The following AGBL1 variants were observed in gnomAD, a reference collection of about 807,000 sequenced individuals.
AGBL1 encodes AGBL carboxypeptidase 1.
AGBL1 carries 130 observed loss-of-function variants against 118.9 expected under a neutral mutation model. The ratio of observed to expected loss-of-function variants is 1.09; its 90% CI spans 0.95 to 1.26. The LOEUF (loss-of-function observed/expected upper bound fraction) is 1.26, where lower values mean the gene tolerates loss of function less well. Ranked by LOEUF, AGBL1 falls within the 50% of genes most tolerant of loss-of-function variation. The pLI is 0.00. For synonymous variants in AGBL1, 555 were observed against 478.9 expected, an observed-to-expected ratio of 1.16 and a Z score of -2.08; for missense variants, 1,584 against 1,298.1, an observed-to-expected ratio of 1.22 and a Z score of -3.38.
At chr15:86,485,144 G>T (rs906107541) in intron 18 of AGBL1, among the ~76,000 whole-genome samples, 1 of 152,064 alleles carries the variant, frequency 6.6e-6, no homozygotes, top group Non-Finnish European at 1.5e-5. Context: ...CTAAGCCGTC[G>T]CTACTTCAAG....
At chr15:87,018,961 G>A (rs2081634707) in intron 24 of AGBL1, among the ~76,000 whole-genome samples, 1 of 151,806 alleles carries the variant, frequency 6.6e-6, no homozygotes, top group South Asian at 2.1e-4. Flanking sequence ...AGAAAAGCAG[G>A]GATTGCAATC....
intron 21 of AGBL1, among the ~76,000 whole-genome samples, chr15:86,669,053 C>A (rs1034411741): frequency 6.6e-6 from 1 of 152,034 alleles, no homozygotes. Flanking sequence ...AAAGTTCCAA[C>A]TGAAGAAAAG....
intron 24 of AGBL1, among the ~76,000 whole-genome samples, chr15:87,018,902 A>G (rs749120491): frequency 1.6e-4 from 24 of 152,166 alleles, no homozygotes; most frequent in Non-Finnish European, 3.5e-4. Flanking sequence ...AAAGAAACAC[A>G]TAGTCTCAAA....
chr15:86,625,433 AAAG>A (rs2142421775), intron 21 of AGBL1, among the ~76,000 whole-genome samples: 1 of 140,794 alleles, frequency 7.1e-6, no homozygotes, highest in South Asian at 2.3e-4. Context: ...TGTGAGACTA[AAAG>A]AAGGTAATCA....
At chr15:86,791,658 G>A (rs2078494619) in intron 22 of AGBL1, among the ~76,000 whole-genome samples, 1 of 151,572 alleles carries the variant, frequency 6.6e-6, no homozygotes, top group Non-Finnish European at 1.5e-5. Flanking sequence ...CCAAACAGCA[G>A]TCATTGAATC....
chr15:87,017,602 AC>A (rs1257020091), intron 24 of AGBL1, among the ~76,000 whole-genome samples: 1 of 152,102 alleles, frequency 6.6e-6, no homozygotes, highest in Non-Finnish European at 1.5e-5. Context: ...AACAACAAAA[AC>A]AACATCAGCA....
intron 21 of AGBL1, among the ~76,000 whole-genome samples, chr15:86,650,860 G>A (rs1384302667): frequency 1.3e-5 from 2 of 152,122 alleles, no homozygotes; most frequent in African/African-American, 2.4e-5. Flanking sequence ...TCTTGCCCAC[G>A]CTACTCTCTG....
chr15:86,874,561 C>T (rs1230824366), intron 22 of AGBL1, among the ~76,000 whole-genome samples: 1 of 152,080 alleles, frequency 6.6e-6, no homozygotes, highest in Non-Finnish European at 1.5e-5. Context: ...TACCTGAGCC[C>T]CTGCCACAGC....
chr15:87,005,194 C>A (rs1446391792), intron 24 of AGBL1, among the ~76,000 whole-genome samples: 1 of 152,136 alleles, frequency 6.6e-6, no homozygotes, highest in Non-Finnish European at 1.5e-5. Context: ...CGAGGAATAT[C>A]TTTGTGGCTT....
intron 5 of AGBL1, among the ~76,000 whole-genome samples, chr15:86,170,885 CAA>C (rs34169705): frequency 0.017 from 2,351 of 137,054 alleles, 29 homozygotes; most frequent in East Asian, 0.077. Flanking sequence ...AAACCAATGA[CAA>C]AAAAAAAAAA....
chr15:86,665,004 C>T (rs542006760), intron 21 of AGBL1, among the ~76,000 whole-genome samples: 26 of 152,116 alleles, frequency 1.7e-4, no homozygotes, highest in Middle Eastern at 6.8e-3. Context: ...AACCTCATCG[C>T]GCATTTCTAA....
chr15:86,476,160 A>C (rs1156449150), intron 18 of AGBL1, among the ~76,000 whole-genome samples: 2 of 152,246 alleles, frequency 1.3e-5, no homozygotes, highest in African/African-American at 2.4e-5. Context: ...TGCTAGGAAG[A>C]AACTGCATCA....
At chr15:87,024,231 C>T (rs2081700155) in intron 24 of AGBL1, among the ~76,000 whole-genome samples, 2 of 151,714 alleles carry the variant, frequency 1.3e-5, no homozygotes, top group African/African-American at 4.8e-5. Context: ...ACTGATAGAC[C>T]ATTAGCAAGA....
At chr15:86,158,570 A>G (rs1227118380) in intron 4 of AGBL1, among the ~76,000 whole-genome samples, 6 of 152,204 alleles carry the variant, frequency 3.9e-5, no homozygotes, top group African/African-American at 1.4e-4. Flanking sequence ...GTAATATCCA[A>G]AAGTTGTATT....
At chr15:86,550,941 C>G (rs1399653671) in intron 20 of AGBL1, among the ~76,000 whole-genome samples, 1 of 151,928 alleles carries the variant, frequency 6.6e-6, no homozygotes, top group East Asian at 1.9e-4. Flanking sequence ...TCTGGGATAT[C>G]TCTGATTATT....
At chr15:86,325,411 A>C (rs1373222605) in intron 17 of AGBL1, among the ~76,000 whole-genome samples, 1 of 152,220 alleles carries the variant, frequency 6.6e-6, no homozygotes, top group Non-Finnish European at 1.5e-5. Context: ...TTTTAAGAGC[A>C]TGAGAAAAGA....
chr15:86,400,604 A>AC (rs1450787059), intron 18 of AGBL1, among the ~76,000 whole-genome samples: 1 of 127,416 alleles, frequency 7.8e-6, no homozygotes, highest in Non-Finnish European at 1.6e-5. Context: ...TTTATCCCTC[A>AC]CCCCCCAACT....
At chr15:86,606,722 C>T (rs1210158921) in intron 21 of AGBL1, among the ~76,000 whole-genome samples, 1 of 152,104 alleles carries the variant, frequency 6.6e-6, no homozygotes, top group African/African-American at 2.4e-5. Flanking sequence ...AGAGGGTTCT[C>T]ATATATCCCC....
chr15:86,191,837 A>G (rs1302377537), intron 5 of AGBL1, among the ~76,000 whole-genome samples: 1 of 151,674 alleles, frequency 6.6e-6, no homozygotes, highest in African/African-American at 2.4e-5. Context: ...GAGCTTTAGG[A>G]GGCCAAGGCA....
Sources: gnomAD v4.1 joint callset for allele counts (sites outside exome capture counted in the v4.1 genomes callset) on GRCh38, gnomAD v4.1.1 for gene constraint, MANE v1.5 for transcripts, NCBI Gene and HGNC (gene_info 2026-07-23, HGNC 2026-07-21) for gene names.